Variants in ADRA1A observed in about 807,000 individuals in gnomAD.
The protein encoded by ADRA1A is alpha-1A adrenergic receptor.
Under a neutral mutation model 29.6 loss-of-function variants are expected in ADRA1A, and 31 were observed. The observed-to-expected ratio is 1.05, with a 90% CI of 0.79 to 1.41. ADRA1A has a LOEUF of 1.41. Ranked by LOEUF, ADRA1A falls within the 40% of genes most tolerant of loss-of-function variation. The pLI, the probability that ADRA1A is intolerant of heterozygous loss-of-function variation, is 0.00. For synonymous variants in ADRA1A, 311 were observed against 254.3 expected (o/e 1.22, Z -2.12); for missense variants, 619 against 601.1 (o/e 1.03, Z -0.31).
At chr8:26,762,501 T>C (rs776090194), downstream of ADRA1A, among the ~76,000 whole-genome samples, 22 of 152,046 alleles carry the variant, frequency 1.4e-4, no homozygotes, top group Non-Finnish European at 3.2e-4. This position sits in a 1 kb window ranked among gnomAD's most constrained non-coding sequence, Gnocchi z 4.0. Context: ...ATGGATTCCA[T>C]GGGAAATGGC....
chr8:26,842,874 C>T (rs1811931861), intron 2 of ADRA1A, among the ~76,000 whole-genome samples: 1 of 89,584 alleles, frequency 1.1e-5, no homozygotes. Context: ...TCTACACACA[C>T]ACACACACAC....
intron 2 of ADRA1A, among the ~76,000 whole-genome samples, chr8:26,793,576 C>G (rs1807977940): frequency 6.6e-6 from 1 of 151,846 alleles, no homozygotes. Flanking sequence ...CTGGACATGC[C>G]TCTGACAAGC....
chr8:26,789,367 G>C (rs1807644286), intron 2 of ADRA1A, among the ~76,000 whole-genome samples: 1 of 152,124 alleles, frequency 6.6e-6, no homozygotes, highest in Non-Finnish European at 1.5e-5. Flanking sequence ...TGCATTTGCA[G>C]CTAACTGATT....
At chr8:26,824,741 A>C (rs1343938878) in intron 2 of ADRA1A, among the ~76,000 whole-genome samples, 1 of 152,188 alleles carries the variant, frequency 6.6e-6, no homozygotes, top group East Asian at 1.9e-4. Flanking sequence ...AGTGAAAAGA[A>C]AAGAAAAAAC....
At chr8:26,774,543 C>T (rs189578145) in intron 2 of ADRA1A, among the ~76,000 whole-genome samples, 1 of 151,992 alleles carries the variant, frequency 6.6e-6, no homozygotes, top group Non-Finnish European at 1.5e-5. Flanking sequence ...GTGGCATGTG[C>T]CTGTAGTTCC....
At chr8:26,757,044 G>T (rs993896793) in intron 2 of ADRA1A, 8 of 704,850 alleles carry the variant, frequency 1.1e-5, no homozygotes, top group Admixed American at 4.0e-5. Context: ...AACACTGAAA[G>T]AACTGAATAC....
intron 2 of ADRA1A, among the ~76,000 whole-genome samples, chr8:26,786,041 G>T (rs1219692412): frequency 6.6e-6 from 1 of 151,908 alleles, no homozygotes; most frequent in African/African-American, 2.4e-5. Flanking sequence ...GACCTTTATG[G>T]AATACAACTC....
Position 26,841,008 on chromosome 8 carries a change from C to T in ADRA1A, c.883+23079G>A, listed in dbSNP as rs111486205. Among the ~76,000 whole-genome samples the T allele has an allele frequency of 2.4e-3, 367 of 152,240 alleles. 4 individuals are homozygous for T. Among genetic ancestry groups the T allele is most frequent in the African/African-American group, 7.4e-3 (309 of 41,538 alleles). On this transcript the variant is annotated intron_variant, in intron 2 of 2. Coordinates refer to ENST00000380573, the MANE Select transcript of ADRA1A (RefSeq NM_000680.4). This position sits in a 1 kb window ranked among gnomAD's most constrained non-coding sequence, Gnocchi z 4.4. ...TGCACTGGGTGAAGACTACAGAGGA[C>T]ATTAAGGGCACCAGAGGGAACAGGT... is the stretch of plus-strand genomic sequence containing the variant.
At chr8:26,850,025 C>CAAAAAAAAAACAAAAAAAAACA (rs141672591) in intron 2 of ADRA1A, among the ~76,000 whole-genome samples, 1 of 121,558 alleles carries the variant, frequency 8.2e-6, no homozygotes, top group Admixed American at 8.1e-5. Flanking sequence ...GAGAGAAATG[C>CAAAAAAAAAACAAAAAAAAACA]AAAAACAAAA....
At chr8:26,855,748 T>TAAGAA (rs1429925334) in intron 2 of ADRA1A, among the ~76,000 whole-genome samples, 2 of 151,188 alleles carry the variant, frequency 1.3e-5, no homozygotes, top group African/African-American at 4.9e-5. Flanking sequence ...AAGAAAAAAA[T>TAAGAA]AAGAAAAGAA....
intron 2 of ADRA1A, among the ~76,000 whole-genome samples, chr8:26,833,987 T>A (rs931533391): frequency 1.3e-5 from 2 of 152,208 alleles, no homozygotes; most frequent in African/African-American, 4.8e-5. Context: ...AATTTTTGTA[T>A]GTCTGGATAA....
chr8:26,756,952 G>T, intron 2 of ADRA1A: 1 of 971,694 alleles, frequency 1.0e-6, no homozygotes, highest in Non-Finnish European at 1.5e-6. Context: ...TTCTCAAGTT[G>T]AGGATCCCTC....
intron 2 of ADRA1A, among the ~76,000 whole-genome samples, chr8:26,773,498 A>G (rs1299013131): frequency 6.6e-6 from 1 of 152,182 alleles, no homozygotes; most frequent in Non-Finnish European, 1.5e-5. Flanking sequence ...GCCTGTGCTT[A>G]ATGACTACAA....
intron 2 of ADRA1A, among the ~76,000 whole-genome samples, chr8:26,824,268 C>A (rs1308316160): frequency 6.6e-6 from 1 of 151,890 alleles, no homozygotes; most frequent in African/African-American, 2.4e-5. Flanking sequence ...TGAAGTGACT[C>A]ATCCTGGGTA....
At chr8:26,834,966 TG>T (rs1485339775) in intron 2 of ADRA1A, among the ~76,000 whole-genome samples, 1 of 152,226 alleles carries the variant, frequency 6.6e-6, no homozygotes, top group Non-Finnish European at 1.5e-5. Flanking sequence ...TGCACCATGA[TG>T]TTTTTTAAGT....
intron 2 of ADRA1A, chr8:26,779,576 C>T: frequency 1.8e-6 from 1 of 565,560 alleles, no homozygotes; most frequent in Non-Finnish European, 3.1e-6. Flanking sequence ...GAGAGATGGC[C>T]AGAAGGGAAG....
At position 26,805,169 on chromosome 8, in the gene ADRA1A, T is replaced by C. The variant is rs565175772; in HGVS notation, c.884-34503A>G. On this transcript the variant is annotated intron_variant, in intron 2 of 2. Transcript: ENST00000380573. The surrounding 1 kb of genome is among the most constrained non-coding windows in gnomAD (Gnocchi z 4.8). ...ACGTCAGTTATATTGTGTCCCACTG[T>C]GACGACCAAGAATGGGGCTCTCACC... 4.6e-5 allele frequency among the ~76,000 whole-genome samples: 7 copies of C among 152,372 alleles called. No individual in the cohort carries two copies. Among genetic ancestry groups the C allele is most frequent in the Admixed American group, 3.9e-4 (6 of 15,310 alleles).
chr8:26,770,868 C>A (rs186690114), intron 2 of ADRA1A, among the ~76,000 whole-genome samples: 2 of 152,296 alleles, frequency 1.3e-5, no homozygotes, highest in East Asian at 3.9e-4. Flanking sequence ...CCTACTTGGT[C>A]CGCGTGTGTC....
chr8:26,834,204 C>G (rs374159533), intron 2 of ADRA1A, among the ~76,000 whole-genome samples: 1 of 152,098 alleles, frequency 6.6e-6, no homozygotes, highest in African/African-American at 2.4e-5. Flanking sequence ...ATACAATAAA[C>G]AATAGAGAAA....
Sources: gnomAD v4.1 joint callset for allele counts (sites outside exome capture counted in the v4.1 genomes callset) on GRCh38, gnomAD v4.1.1 for gene constraint, Gnocchi (gnomAD v3.1) non-coding constraint, MANE v1.5 for transcripts, NCBI Gene and HGNC (gene_info 2026-07-23, HGNC 2026-07-21) for gene names.